NAV2: variants seen among roughly 807,000 people sequenced by gnomAD.
NAV2 encodes the protein neuron navigator 2.
NAV2 carries 54 observed loss-of-function variants against 223.2 expected under a neutral mutation model. The observed-to-expected ratio is 0.24, with a 90% CI of 0.19 to 0.30. NAV2 has a LOEUF of 0.30. Ranked by LOEUF, NAV2 falls within the 10% of genes least tolerant of loss-of-function variation. The pLI is 1.00. For missense variants in NAV2, 2,806 were observed against 3,147.5 expected (o/e 0.89, Z 2.60); for synonymous variants, 1,279 against 1,239.3 (o/e 1.03, Z -0.67).
chr11:19,711,136 T>C (rs989234303), upstream of NAV2: 5 of 152,196 alleles, frequency 3.3e-5, no homozygotes, highest in African/African-American at 9.7e-5. Flanking sequence ...GGGCCGTGCA[T>C]TTCAGCCTAA....
At chr11:19,792,142 A>G (rs971567822) in intron 1 of NAV2, among the ~76,000 whole-genome samples, 26 of 152,214 alleles carry the variant, frequency 1.7e-4, no homozygotes, top group African/African-American at 6.0e-4. Flanking sequence ...AATTAAATTT[A>G]GAGACTGACA....
chr11:19,755,214 G>A (rs2054138608), intron 1 of NAV2, among the ~76,000 whole-genome samples: 1 of 152,194 alleles, frequency 6.6e-6, no homozygotes, highest in South Asian at 2.1e-4. Context: ...CACCACAACA[G>A]TCCTTCTAAT....
intron 1 of NAV2, among the ~76,000 whole-genome samples, chr11:19,665,412 C>T (rs1384508306): frequency 2.0e-5 from 3 of 152,158 alleles, no homozygotes; most frequent in Non-Finnish European, 4.4e-5. Flanking sequence ...CCTGACATCC[C>T]TTCTGGAGCT....
chr11:19,718,583 G>A (rs1314122707), intron 1 of NAV2, among the ~76,000 whole-genome samples: 1 of 131,072 alleles, frequency 7.6e-6, no homozygotes, highest in African/African-American at 2.6e-5. Context: ...CATCATCAAA[G>A]GTGATTATGG....
In NAV2 at chr11:20,080,146, C is replaced by T. The variant is rs2060000586; in HGVS notation, c.5262C>T (p.Thr1754=). The T allele has an allele frequency of 1.2e-6, 2 of 1,614,030 alleles. No homozygotes were observed. Residue 1754 remains threonine (T), a synonymous_variant, in exon 25 of 38, where the codon ACC becomes ACT. Transcript: ENST00000349880. The part of the protein sequence containing the change: ...SDSVSSINSA[T]SHSSVGSNIE... ...GCGTCTCCAGCATCAACAGTGCCAC[C>T]AGCCACTCCAGCGTGGGCAGCAACA...
intron 1 of NAV2, among the ~76,000 whole-genome samples, chr11:19,471,855 C>T (rs2041976207): frequency 6.6e-6 from 1 of 152,272 alleles, no homozygotes; most frequent in Admixed American, 6.5e-5. Context: ...TGACTTCACC[C>T]CACTGCTATT....
intron 27 of NAV2, among the ~76,000 whole-genome samples, chr11:20,091,426 C>G (rs905846468): frequency 1.3e-5 from 2 of 152,152 alleles, no homozygotes; most frequent in African/African-American, 2.4e-5. Context: ...CATATTGTTC[C>G]CTCCACTGGG....
intron 25 of NAV2, among the ~76,000 whole-genome samples, chr11:20,080,705 G>C (rs7103409): frequency 6.6e-6 from 1 of 151,996 alleles, no homozygotes; most frequent in Non-Finnish European, 1.5e-5. Context: ...AAATAAAAGT[G>C]TCCTAATGTC....
intron 1 of NAV2, among the ~76,000 whole-genome samples, chr11:19,640,040 T>C (rs775196770): frequency 8.0e-4 from 122 of 152,234 alleles, no homozygotes; most frequent in Non-Finnish European, 1.4e-3. Flanking sequence ...GCTCTGTGAC[T>C]ACCAGTGAAG....
chr11:19,489,727 C>T (rs979793081), intron 1 of NAV2, among the ~76,000 whole-genome samples: 9 of 152,180 alleles, frequency 5.9e-5, no homozygotes, highest in African/African-American at 1.9e-4. Context: ...GGATATACTA[C>T]GTACTGAGTC....
intron 1 of NAV2, chr11:19,714,492 C>T: frequency 2.2e-6 from 1 of 456,160 alleles, no homozygotes; most frequent in Non-Finnish European, 4.4e-6. Flanking sequence ...ATGACCTGTC[C>T]CTGCCCCATC....
In NAV2 at chr11:19,674,400, T is replaced by G. The variant is rs558252050; in HGVS notation, c.76-158084T>G. ...GCCACTCTTGACAGGCAGGAATGACTGCAGCTCCCAAGTAGCAATTTTTTT... is the reference window on the plus strand; with the variant it reads ...GCCACTCTTGACAGGCAGGAATGACGGCAGCTCCCAAGTAGCAATTTTTTT... On this transcript the variant is annotated intron_variant, in intron 1 of 37. Transcript: ENST00000360655. 6.6e-5 allele frequency among the ~76,000 whole-genome samples: 10 copies of G among 152,336 alleles called. No homozygotes were observed. The South Asian group carries it at 2.1e-3, about 32-fold the overall frequency.
intron 10 of NAV2, among the ~76,000 whole-genome samples, chr11:19,980,490 C>T (rs927075046): frequency 1.4e-4 from 21 of 152,228 alleles, no homozygotes; most frequent in African/African-American, 5.1e-4. Context: ...GTCATTTCTT[C>T]TTCACCCAGT....
At chr11:19,855,104 T>G (rs1386613194) in intron 3 of NAV2, among the ~76,000 whole-genome samples, 2 of 152,116 alleles carry the variant, frequency 1.3e-5, no homozygotes, top group Non-Finnish European at 2.9e-5. Flanking sequence ...TTTCCCCATC[T>G]GAAAAATGAT....
Position 19,713,202 on chromosome 11 carries a change from CTCCTT to C in NAV2, c.-488_-484del. On this transcript the variant is annotated 5_prime_UTR_variant, in exon 1 of 38. Transcript: ENST00000349880. This position sits in a 1 kb window ranked among gnomAD's most constrained non-coding sequence, Gnocchi z 7.2. ...TCTTCTCTCCTTCCTTCGCTGCTGTCTCCTTTCCTTCCTTGGCTGCTCGCTCTTTC... is the reference window on the plus strand; with the variant it reads ...TCTTCTCTCCTTCCTTCGCTGCTGTCTCCTTCCTTGGCTGCTCGCTCTTTC... 1 of 561,990 alleles carries C rather than the reference CTCCTT, an allele frequency of 1.8e-6. No individual in the cohort carries two copies. Among genetic ancestry groups the C allele is most frequent in the Non-Finnish European group, 2.3e-6 (1 of 442,624 alleles). The allele number at this position is 561,990 out of a possible 1,614,324, so 34.8% of individuals were successfully genotyped here. A position where few individuals can be genotyped will look rare whatever the true frequency, so the allele number is the denominator to read the frequency against.
chr11:19,551,005 A>C (rs1051979209), intron 1 of NAV2, among the ~76,000 whole-genome samples: 22 of 152,206 alleles, frequency 1.4e-4, no homozygotes, highest in African/African-American at 3.9e-4. Flanking sequence ...CTGATGGGCT[A>C]CTCTCAGCAC....
intron 1 of NAV2, among the ~76,000 whole-genome samples, chr11:19,583,957 A>G (rs1332303848): frequency 1.3e-5 from 2 of 152,196 alleles, no homozygotes; most frequent in African/African-American, 2.4e-5. Flanking sequence ...AAATGGTACC[A>G]GCTCCTCCTT....
intron 1 of NAV2, among the ~76,000 whole-genome samples, chr11:19,763,053 C>T (rs2054898943): frequency 6.6e-6 from 1 of 152,174 alleles, no homozygotes; most frequent in Admixed American, 6.5e-5. Flanking sequence ...TGTCCATAAG[C>T]TCCAGGAGGG....
chr11:20,092,509 C>G (rs1002054861), intron 28 of NAV2, 141 bp downstream of exon 28: 5 of 821,152 alleles, frequency 6.1e-6, no homozygotes, highest in Non-Finnish European at 9.5e-6. Flanking sequence ...GTGTATGTGT[C>G]TGGGTGTGAG....
Sources: gnomAD v4.1 joint callset for allele counts (sites outside exome capture counted in the v4.1 genomes callset) on GRCh38, gnomAD v4.1.1 for gene constraint, Gnocchi (gnomAD v3.1) non-coding constraint, MANE v1.5 for transcripts, NCBI Gene and HGNC (gene_info 2026-07-23, HGNC 2026-07-21) for gene names.